Variants in HMCN2 observed in about 807,000 individuals in gnomAD.
The protein encoded by HMCN2 is hemicentin 2, also known as hemicentin-2.
In HMCN2, 325 loss-of-function variants were observed where a neutral mutation model predicts 377.5. The observed-to-expected ratio is 0.86, with a 90% CI of 0.79 to 0.94. The LOEUF (loss-of-function observed/expected upper bound fraction) is 0.94. Ranked by LOEUF, HMCN2 falls within the 40% of genes least tolerant of loss-of-function variation. The probability of loss-of-function intolerance (pLI) is 0.00; values close to 1 mark genes in which losing one functional copy is unlikely to be tolerated. For synonymous variants in HMCN2, 2,007 were observed against 2,046.8 expected (o/e 0.98, Z 0.53); for missense variants, 4,543 against 4,725.3 (o/e 0.96, Z 1.13).
At chr9:130,368,192 G>A (rs1840798738) in intron 43 of HMCN2, 84 bp from the exon 44 acceptor site, 4 of 851,116 alleles carry the variant, frequency 4.7e-6, no homozygotes, top group Non-Finnish European at 5.7e-6. Flanking sequence ...GCAAGAATGG[G>A]TAGGAGGACA....
chr9:130,349,376 T>G (rs552113880), intron 28 of HMCN2, among the ~76,000 whole-genome samples, 161 bp from the exon 29 acceptor site: 9 of 151,572 alleles, frequency 5.9e-5, no homozygotes, highest in Non-Finnish European at 1.2e-4. Flanking sequence ...TGCTGAGGGC[T>G]CCAGAGCAAG....
chr9:130,433,333 C>T lies in HMCN2; in HGVS notation c.14895-15C>T. On this transcript the variant is annotated splice_polypyrimidine_tract_variant and intron_variant, in intron 97 of 97. Coordinates refer to ENST00000683500, the MANE Select transcript of HMCN2 (RefSeq NM_001291815.2). ...CCCCCGAGTCCGCCTGTCCGTGTGT[C>T]TGTGCCGCCCGCAGGACGTGCTTCC... The T allele has an allele frequency of 7.0e-7, 1 of 1,428,434 alleles. No homozygotes were observed. 88.5% of individuals were successfully genotyped at this position (1,428,434 alleles called of 1,614,324 possible).
intron 37 of HMCN2, among the ~76,000 whole-genome samples, chr9:130,359,938 C>T (rs963904187): frequency 1.3e-5 from 2 of 152,136 alleles, no homozygotes; most frequent in Admixed American, 6.5e-5. Flanking sequence ...GGACATGTCC[C>T]GGCAGGATGC....
At chr9:130,352,895 C>T (rs1309211277) in intron 30 of HMCN2, 32 bp from the exon 31 acceptor site, 5 of 1,234,630 alleles carry the variant, frequency 4.0e-6, no homozygotes, top group Non-Finnish European at 1.0e-6. Flanking sequence ...TCAGCGGCTG[C>T]CTGTGACCAG....
chr9:130,360,318 CTCTCTTCCTTTCCCCCTTGCA>C lies in HMCN2; in HGVS notation c.5774-104_5774-84del. The C allele has an allele frequency of 5.0e-6, 3 of 600,648 alleles. No individual in the cohort carries two copies. Among genetic ancestry groups the C allele is most frequent in the Non-Finnish European group, 4.8e-6 (2 of 415,200 alleles). 37.2% of individuals were successfully genotyped at this position (600,648 alleles called of 1,614,324 possible). On this transcript the variant is annotated intron_variant, in intron 37 of 97. Transcript: ENST00000683500. The surrounding 1 kb of genome is among the most constrained non-coding windows in gnomAD (Gnocchi z 4.7). ...TTCTCTCTTCCATTCCCCCTTGCAT[CTCTCTTCCTTTCCCCCTTGCA>C]TCTCTCTTCCTTTCCCCCTTACTTC...
In HMCN2 at chr9:130,349,035, T is replaced by A; in HGVS notation, c.4207T>A (p.Phe1403Ile). Residue 1403 changes from phenylalanine (F) to isoleucine (I), a missense_variant, in exon 28 of 98, where the codon TTC becomes ATC. By Grantham distance (21) the Phe-to-Ile change is conservative. Around this residue, in one of 5 missense-constraint regions of HMCN2, gnomAD observed 1,032 missense variants for 1,285.1 expected, o/e 0.80. Transcript: ENST00000683500. ...RLLDEGQSLH[F>I]PRIQEGDSGL... Reference sequence around the variant, plus strand: ...CCTGGACGAGGGCCAGTCCCTCCACTTCCCCAGGATCCAGGAGGGTGATTC... The same window carrying A: ...CCTGGACGAGGGCCAGTCCCTCCACATCCCCAGGATCCAGGAGGGTGATTC... The A allele has an allele frequency of 7.7e-7, 1 of 1,304,218 alleles. No individual in the cohort carries two copies. The highest frequency in any genetic ancestry group is 1.0e-6 in the Non-Finnish European group (1 of 988,912). 80.8% of individuals were successfully genotyped at this position (1,304,218 alleles called of 1,614,324 possible). A position where few individuals can be genotyped will look rare whatever the true frequency, so the allele number is the denominator to read the frequency against.
rs1836628015 is a variant in HMCN2 at position 130,303,370 on chromosome 9, C to T, written c.1422-117C>T. The T allele has an allele frequency of 3.2e-6, 1 of 308,834 alleles. No homozygotes were observed. Among genetic ancestry groups the T allele is most frequent in the Non-Finnish European group, 6.9e-6 (1 of 144,850 alleles). The allele number at this position is 308,834 out of a possible 1,614,324, so 19.1% of individuals were successfully genotyped here. A position where few individuals can be genotyped will look rare whatever the true frequency, so the allele number is the denominator to read the frequency against. Reference sequence around the variant, plus strand: ...CTTGGCTGTGTATGTCTTCTTACCGCATCTCACAGAGGAATTGGGGTCTCT... The same window carrying T: ...CTTGGCTGTGTATGTCTTCTTACCGTATCTCACAGAGGAATTGGGGTCTCT... On this transcript the variant is annotated intron_variant, in intron 9 of 97. Transcript: ENST00000683500. This position sits in a 1 kb window ranked among gnomAD's most constrained non-coding sequence, Gnocchi z 5.2.
rs1046930583 is a variant in HMCN2 at position 130,369,285 on chromosome 9, G to T, written c.6788-285G>T. 2.6e-5 allele frequency among the ~76,000 whole-genome samples: 4 copies of T among 152,174 alleles called. No individual in the cohort carries two copies. Among genetic ancestry groups the T allele is most frequent in the African/African-American group, 9.7e-5 (4 of 41,434 alleles). The stretch of plus-strand genomic sequence containing the variant: ...CCACCCCTAACCAGTCCCAACAACT[G>T]TTGAAACTCCAGGAAGTCTCTGGTT... On this transcript the variant is annotated intron_variant, in intron 44 of 97. Coordinates refer to ENST00000683500, the MANE Select transcript of HMCN2 (RefSeq NM_001291815.2). This position sits in a 1 kb window ranked among gnomAD's most constrained non-coding sequence, Gnocchi z 4.5.
Position 130,425,911 on chromosome 9 carries a change from A to C in HMCN2, c.13866A>C (p.Thr4622=), listed in dbSNP as rs1375011184. 6.5e-7 allele frequency: 1 copy of C among 1,548,350 alleles called. No homozygotes were observed. Among genetic ancestry groups the C allele is most frequent in the Non-Finnish European group, 8.7e-7 (1 of 1,146,620 alleles). Residue 4622 remains threonine, a synonymous_variant, in exon 90 of 98, where the codon ACA becomes ACC. Transcript: ENST00000683500. ...EAEALRFQLA[T]ALQAEENEVG... is the part of the protein sequence containing the mutation. ...AGGCCCTGCGCTTCCAGCTCGCTAC[A>C]GCCCTGCAGGCGGGTGAGGCCCCTC...
Position 130,433,569 on chromosome 9 carries a change from G to A in HMCN2, c.15116G>A (p.Gly5039Asp). 6.8e-7 allele frequency: 1 copy of A among 1,478,530 alleles called. No homozygotes were observed. The highest frequency in any genetic ancestry group is 8.9e-7 in the Non-Finnish European group (1 of 1,119,266). The allele number at this position is 1,478,530 out of a possible 1,614,324, so 91.6% of individuals were successfully genotyped here. A position where few individuals can be genotyped will look rare whatever the true frequency, so the allele number is the denominator to read the frequency against. The change falls in exon 98 of 98, where the codon GGC becomes GAC. Residue 5039 changes from glycine to aspartate, a missense_variant. Gly to Asp is a moderately conservative substitution (Grantham distance 94). Transcript: ENST00000683500. ...CTGCGTCCGCTGCGCGCGGGCCTTG[G>A]CGCGGTCTACACCCGTCGCGCGCTC... The part of the protein sequence containing the change: ...FALRPLRAGL[G>D]AVYTRRALTR...
intron 45 of HMCN2, among the ~76,000 whole-genome samples, chr9:130,370,444 G>A (rs541615482): frequency 6.6e-6 from 1 of 152,246 alleles, no homozygotes; most frequent in South Asian, 2.1e-4. Flanking sequence ...AGAGGTGGGC[G>A]GGGATCAGTT....
rs1232210575 is a variant in HMCN2 at position 130,269,420 on chromosome 9, A to G, written c.259+3283A>G. 6.8e-5 allele frequency among the ~76,000 whole-genome samples: 10 copies of G among 147,582 alleles called. 2 individuals carry two copies. The highest frequency in any genetic ancestry group is 3.4e-4 in the Admixed American group (5 of 14,664). Reference sequence around the variant, plus strand: ...CTTTGATTGGTTTTTACGTAGGCTTAAGTTCCTTGAAGTGGAATTCTAGGC... The same window carrying G: ...CTTTGATTGGTTTTTACGTAGGCTTGAGTTCCTTGAAGTGGAATTCTAGGC... On this transcript the variant is annotated intron_variant, in intron 1 of 97. Transcript: ENST00000683500.
chr9:130,408,940 C>T lies in HMCN2; in HGVS notation c.12879+7C>T, dbSNP rs529355937. The T allele has an allele frequency of 2.7e-5, 35 of 1,286,434 alleles. No individual in the cohort carries two copies. Among genetic ancestry groups the T allele is most frequent in the South Asian group, 1.6e-4 (13 of 80,588 alleles). 79.7% of individuals were successfully genotyped at this position (1,286,434 alleles called of 1,614,324 possible). A position where few individuals can be genotyped will look rare whatever the true frequency, so the allele number is the denominator to read the frequency against. On this transcript the variant is annotated splice_region_variant and intron_variant, in intron 84 of 97. Coordinates refer to ENST00000683500, the MANE Select transcript of HMCN2 (RefSeq NM_001291815.2). ...GACCATCCGCAGGACTGAGGCAAGGCGGGGCCTGGCACCTTGGGTGGGGCC... is the reference window on the plus strand; with the variant it reads ...GACCATCCGCAGGACTGAGGCAAGGTGGGGCCTGGCACCTTGGGTGGGGCC...
chr9:130,309,514 CAAAAAAAAAAAAA>C (rs143190808), intron 14 of HMCN2, among the ~76,000 whole-genome samples: 1 of 72,386 alleles, frequency 1.4e-5, no homozygotes, highest in Non-Finnish European at 2.6e-5. Context: ...GACTCTGTCT[CAAAAAAAAAAAAA>C]AAAAAAAAAA....
chr9:130,306,971 A>G, intron 13 of HMCN2, 33 bp downstream of exon 13: 1 of 442,004 alleles, frequency 2.3e-6, no homozygotes, highest in South Asian at 1.6e-5. Context: ...CTTACAGGAG[A>G]AGGGCCTCCT....
intron 15 of HMCN2, among the ~76,000 whole-genome samples, chr9:130,312,082 C>G (rs1217020391): frequency 6.6e-6 from 1 of 152,200 alleles, no homozygotes; most frequent in Admixed American, 6.5e-5. Flanking sequence ...GATCATCATC[C>G]CCTTTACAGA....
rs1844151473 is a variant in HMCN2 at position 130,423,715 on chromosome 9, T to TG, written c.13381+991dup. On this transcript the variant is annotated intron_variant, in intron 87 of 97. Transcript: ENST00000683500. This position sits in a 1 kb window ranked among gnomAD's most constrained non-coding sequence, Gnocchi z 5.5. ...CCCTTGCCCAGTCCATGGCCCCACCTGGTCCTGCGTGGAGGGCGGGGCATC... is the reference window on the plus strand; with the variant it reads ...CCCTTGCCCAGTCCATGGCCCCACCTGGGTCCTGCGTGGAGGGCGGGGCATC... Among the ~76,000 whole-genome samples, 1 of 152,216 alleles carries TG rather than the reference T, an allele frequency of 6.6e-6. No individual in the cohort carries two copies. Among genetic ancestry groups the TG allele is most frequent in the South Asian group, 2.1e-4 (1 of 4,824 alleles).
At chr9:130,301,524 T>C (rs1283743382) in intron 8 of HMCN2, among the ~76,000 whole-genome samples, 1 of 152,168 alleles carries the variant, frequency 6.6e-6, no homozygotes, top group African/African-American at 2.4e-5. Flanking sequence ...TGTGGTCCCA[T>C]TTAGCTCATG....
At chr9:130,426,730 C>T (rs1844397328) in intron 90 of HMCN2, among the ~76,000 whole-genome samples, 1 of 151,582 alleles carries the variant, frequency 6.6e-6, no homozygotes, top group Non-Finnish European at 1.5e-5. Flanking sequence ...AATTTATAAA[C>T]TTTCTTAAAA....
Sources: allele counts gnomAD v4.1 joint callset (sites outside exome capture counted in the v4.1 genomes callset), GRCh38; gene constraint gnomAD v4.1.1; regional missense constraint gnomAD v4.1.1; non-coding constraint Gnocchi (gnomAD v3.1); transcripts MANE v1.5; gene names NCBI Gene and HGNC (gene_info 2026-07-23, HGNC 2026-07-21).